Variants in CDH4 observed in about 807,000 individuals in gnomAD.
CDH4 encodes cadherin 4, also known as cadherin-4.
Under a neutral mutation model 86.0 loss-of-function variants are expected in CDH4, and 33 were observed. The observed-to-expected ratio is 0.38, with a 90% CI of 0.29 to 0.51. CDH4 has a LOEUF of 0.51. Ranked by LOEUF, CDH4 falls within the 20% of genes least tolerant of loss-of-function variation. The pLI, the probability that CDH4 is intolerant of heterozygous loss-of-function variation, is 0.86. For missense variants in CDH4, 1,114 were observed against 1,307.4 expected, an observed-to-expected ratio of 0.85 and a Z score of 2.28; for synonymous variants, 555 against 549.4, an observed-to-expected ratio of 1.01 and a Z score of -0.14.
intron 2 of CDH4, among the ~76,000 whole-genome samples, chr20:61,450,677 G>A (rs903941025): frequency 3.3e-5 from 5 of 151,924 alleles, no homozygotes; most frequent in African/African-American, 1.2e-4. Context: ...TGAGCTTGCT[G>A]TGATAAGACA....
intron 4 of CDH4, among the ~76,000 whole-genome samples, chr20:61,788,507 G>A (rs988885293): frequency 2.0e-5 from 3 of 152,194 alleles, no homozygotes; most frequent in Non-Finnish European, 2.9e-5. Context: ...CAGAGGTGGG[G>A]TCAGGAGGCC....
intron 2 of CDH4, among the ~76,000 whole-genome samples, chr20:61,461,384 C>T (rs1240891340): frequency 6.6e-6 from 1 of 152,174 alleles, no homozygotes; most frequent in African/African-American, 2.4e-5. Flanking sequence ...TGAAAAATAA[C>T]ATATTGACTG....
chr20:61,489,645 A>G (rs2085615169), intron 2 of CDH4, among the ~76,000 whole-genome samples: 1 of 152,266 alleles, frequency 6.6e-6, no homozygotes, highest in African/African-American at 2.4e-5. Context: ...CCGATTGGCC[A>G]GTCCTGACGT....
intron 4 of CDH4, among the ~76,000 whole-genome samples, chr20:61,839,587 G>GT (rs1982054161): frequency 6.6e-6 from 1 of 151,746 alleles, no homozygotes; most frequent in Non-Finnish European, 1.5e-5. Flanking sequence ...TGTGACGTGT[G>GT]TATGTGTATT....
intron 4 of CDH4, among the ~76,000 whole-genome samples, chr20:61,824,209 T>G (rs1049321559): frequency 6.6e-6 from 1 of 152,136 alleles, no homozygotes; most frequent in Non-Finnish European, 1.5e-5. Flanking sequence ...CCATTCCCAT[T>G]GTCTCCATTG....
intron 9 of CDH4, among the ~76,000 whole-genome samples, chr20:61,922,790 C>G (rs1568889760): frequency 6.6e-6 from 1 of 152,204 alleles, no homozygotes; most frequent in Non-Finnish European, 1.5e-5. Flanking sequence ...GAGCCTTGCT[C>G]TGTCACCCAG....
chr20:61,261,595 G>T (rs2084127847), intron 2 of CDH4, among the ~76,000 whole-genome samples: 1 of 152,142 alleles, frequency 6.6e-6, no homozygotes, highest in South Asian at 2.1e-4. Context: ...TGGCCTAAGG[G>T]TAGGAGATTT....
intron 2 of CDH4, among the ~76,000 whole-genome samples, chr20:61,299,756 T>G (rs2084376212): frequency 6.6e-6 from 1 of 152,156 alleles, no homozygotes; most frequent in Admixed American, 6.5e-5. Context: ...CACACTGCTC[T>G]GCTGTAAGGT....
At chr20:61,596,352 A>C (rs2086557268) in intron 2 of CDH4, among the ~76,000 whole-genome samples, 1 of 152,212 alleles carries the variant, frequency 6.6e-6, no homozygotes, top group Admixed American at 6.5e-5. Flanking sequence ...ACAGGGCCAC[A>C]GGAGGGGTTA....
chr20:61,720,032 C>T (rs1386826022), intron 2 of CDH4, among the ~76,000 whole-genome samples: 1 of 152,168 alleles, frequency 6.6e-6, no homozygotes, highest in Non-Finnish European at 1.5e-5. Context: ...GCAAGTTCCT[C>T]CCATGTCTCA....
At chr20:61,682,425 T>C (rs1600869773) in intron 2 of CDH4, among the ~76,000 whole-genome samples, 1 of 82,714 alleles carries the variant, frequency 1.2e-5, no homozygotes, top group Admixed American at 1.8e-4. Context: ...GATGGAAGGA[T>C]GGATGGATGG....
chr20:61,715,236 G>T (rs1239725973), intron 2 of CDH4, among the ~76,000 whole-genome samples: 1 of 152,138 alleles, frequency 6.6e-6, no homozygotes, highest in Non-Finnish European at 1.5e-5. Flanking sequence ...CATGTCATTG[G>T]CTCACTTTTG....
At chr20:61,413,531 C>A (rs754052283) in intron 2 of CDH4, among the ~76,000 whole-genome samples, 5 of 152,170 alleles carry the variant, frequency 3.3e-5, no homozygotes, top group Admixed American at 1.3e-4. Context: ...GACTGCTGCA[C>A]GGGATGGCAT....
intron 8 of CDH4, among the ~76,000 whole-genome samples, chr20:61,897,673 C>T (rs1241308447): frequency 6.6e-6 from 1 of 152,204 alleles, no homozygotes; most frequent in Non-Finnish European, 1.5e-5. Context: ...AGAGGGTCCC[C>T]ATGGCATTTA....
intron 7 of CDH4, among the ~76,000 whole-genome samples, chr20:61,890,498 A>G (rs949932709): frequency 2.0e-5 from 3 of 151,232 alleles, no homozygotes; most frequent in Non-Finnish European, 4.4e-5. Context: ...TGATGGATGC[A>G]TGGGTGGATG....
At chr20:61,905,235 A>G in intron 8 of CDH4, among the ~76,000 whole-genome samples, 1 of 152,224 alleles carries the variant, frequency 6.6e-6, no homozygotes, top group East Asian at 1.9e-4. Context: ...GGCTGGGGGA[A>G]GGTTAATAAG....
intron 2 of CDH4, among the ~76,000 whole-genome samples, chr20:61,395,823 G>C (rs2085013703): frequency 6.6e-6 from 1 of 152,140 alleles, no homozygotes; most frequent in Admixed American, 6.5e-5. Context: ...GTTTTAAAGG[G>C]CTTGCTAGCT....
chr20:61,358,129 G>C (rs1270732426), intron 2 of CDH4, among the ~76,000 whole-genome samples: 3 of 152,132 alleles, frequency 2.0e-5, no homozygotes, highest in African/African-American at 7.2e-5. Flanking sequence ...CCTGGATATG[G>C]GTACTTTGAG....
intron 2 of CDH4, among the ~76,000 whole-genome samples, chr20:61,552,340 C>T (rs1360788829): frequency 1.3e-5 from 2 of 152,144 alleles, no homozygotes; most frequent in African/African-American, 2.4e-5. Flanking sequence ...AGAAGACATA[C>T]GAATGTCCAA....
Sources: gnomAD v4.1 joint callset for allele counts (sites outside exome capture counted in the v4.1 genomes callset) on GRCh38, gnomAD v4.1.1 for gene constraint, MANE v1.5 for transcripts, NCBI Gene and HGNC (gene_info 2026-07-23, HGNC 2026-07-21) for gene names.